Variants in KLB observed in about 807,000 individuals in gnomAD.
KLB encodes the protein beta-klotho.
Under a neutral mutation model 88.4 loss-of-function variants are expected in KLB, and 44 were observed. The ratio of observed to expected loss-of-function variants is 0.50; its 90% CI spans 0.39 to 0.64. The LOEUF (loss-of-function observed/expected upper bound fraction) is 0.64. KLB is among the 30% of genes least tolerant of loss of function. The pLI is 0.00. For missense variants in KLB, 1,137 were observed against 1,304.8 expected, an observed-to-expected ratio of 0.87 and a Z score of 1.98; for synonymous variants, 548 against 513.4, an observed-to-expected ratio of 1.07 and a Z score of -0.91.
At chr4:39,411,956 A>G (rs528515084) in intron 1 of KLB, 1 of 151,716 alleles carries the variant, frequency 6.6e-6, no homozygotes, top group East Asian at 2.0e-4. Context: ...GCATCTGCAT[A>G]CCCATAGCTT....
chr4:39,434,345 C>G lies in KLB; in HGVS notation c.961C>G (p.Gln321Glu). Residue 321 changes from glutamine (Q) to glutamate (E), a missense_variant, in exon 2 of 5, where the codon CAA becomes GAA. Transcript: ENST00000257408. ...CACGATGGATATATTCAAATGTCAA[C>G]AATCCATGGTTTCTGTGCTTGGATG... ...ENTMDIFKCQ[Q>E]SMVSVLGWFA... The G allele has an allele frequency of 6.2e-7, 1 of 1,614,200 alleles. No individual in the cohort carries two copies. Among genetic ancestry groups the G allele is most frequent in the South Asian group, 1.1e-5 (1 of 91,082 alleles).
chr4:39,432,815 G>C (rs764972247), intron 1 of KLB, among the ~76,000 whole-genome samples: 1 of 151,810 alleles, frequency 6.6e-6, no homozygotes, highest in Admixed American at 6.6e-5. Flanking sequence ...CCTCCTACGT[G>C]CTCTATTCTG....
chr4:39,442,027 A>G (rs1316782401), intron 3 of KLB, among the ~76,000 whole-genome samples: 3 of 152,142 alleles, frequency 2.0e-5, no homozygotes, highest in Non-Finnish European at 4.4e-5. Context: ...GGATCACTTG[A>G]GCTCAGGAGT....
In KLB at chr4:39,451,149, A is replaced by G. The variant is rs1181118383; in HGVS notation, c.*2463A>G. The G allele has an allele frequency of 6.6e-6, 1 of 152,214 alleles. No homozygotes were observed. The highest frequency in any genetic ancestry group is 1.5e-5 in the Non-Finnish European group (1 of 68,032). The allele number at this position is 152,214 out of a possible 1,614,324, so 9.4% of individuals were successfully genotyped here. A position where few individuals can be genotyped will look rare whatever the true frequency, so the allele number is the denominator to read the frequency against. ...TTACTAGTTTTTAAGCCATCATCGC[A>G]CAAGAATCCAAAAACCCTTAAATTT... On this transcript the variant is annotated 3_prime_UTR_variant, in exon 5 of 5. Transcript: ENST00000257408.
At position 39,430,347 on chromosome 4, in the gene KLB, A is replaced by C. The variant is rs138497125; in HGVS notation, c.826-3863A>C. On this transcript the variant is annotated intron_variant, in intron 1 of 4. Transcript: ENST00000257408. ...CCAAGGGATTAAGTGACTGGTTAGA[A>C]AAAAACAAAGAATTCCCTCCTTTGA... Among the ~76,000 whole-genome samples the C allele has an allele frequency of 4.1e-3, 619 of 152,074 alleles. 4 individuals are homozygous for C. The highest frequency in any genetic ancestry group is 0.014 in the African/African-American group (582 of 41,510).
At chr4:39,424,582 G>A (rs1373745075) in intron 1 of KLB, among the ~76,000 whole-genome samples, 1 of 151,594 alleles carries the variant, frequency 6.6e-6, no homozygotes, top group East Asian at 1.9e-4. Flanking sequence ...TACACGTGAT[G>A]GCCCTTGTTT....
Position 39,434,475 on chromosome 4 carries a change from G to A in KLB, c.1091G>A (p.Arg364Lys), listed in dbSNP as rs866200932. 2 of 1,614,214 alleles carry A rather than the reference G, an allele frequency of 1.2e-6. No homozygotes were observed. Among genetic ancestry groups the A allele is most frequent in the Non-Finnish European group, 1.7e-6 (2 of 1,180,052 alleles). ...TCTGAAGCAGAGAAGCATGAGATGA[G>A]AGGCACAGCTGATTTCTTTGCCTTT... ...IFSEAEKHEMRGTADFFAFSF... is the reference protein window; with the variant it reads ...IFSEAEKHEMKGTADFFAFSF... The change falls in exon 2 of 5, where the codon AGA (arginine) becomes AAA (lysine). Residue 364 changes from arginine (R) to lysine (K), a missense_variant. This residue lies in a region of KLB where 597 missense variants were observed against 765.2 expected (regional missense o/e 0.78). Coordinates refer to ENST00000257408, the MANE Select transcript of KLB (RefSeq NM_175737.4).
intron 1 of KLB, among the ~76,000 whole-genome samples, chr4:39,431,702 T>A (rs1463014981): frequency 6.6e-6 from 1 of 152,222 alleles, no homozygotes; most frequent in African/African-American, 2.4e-5. Flanking sequence ...ATTTAAATTG[T>A]TTTTTCTTGC....
At chr4:39,413,107 G>A (rs1040780960) in intron 1 of KLB, among the ~76,000 whole-genome samples, 4 of 152,106 alleles carry the variant, frequency 2.6e-5, no homozygotes, top group African/African-American at 4.8e-5. Flanking sequence ...AGCCTCTCAC[G>A]TCCATTTCTT....
At chr4:39,410,041 T>C (rs1184600176) in intron 1 of KLB, among the ~76,000 whole-genome samples, 1 of 152,262 alleles carries the variant, frequency 6.6e-6, no homozygotes, top group East Asian at 1.9e-4. Context: ...CTACTGTTAA[T>C]AGTTTCTTAT....
chr4:39,447,178 G>C lies in KLB; in HGVS notation c.2452G>C (p.Val818Leu). The change falls in exon 4 of 5, where the codon GTC becomes CTC. Residue 818 changes from valine (V) to leucine (L), a missense_variant. Physicochemically the swap from Val to Leu is conservative, Grantham distance 32. This residue lies in a region of KLB where 426 missense variants were observed against 404.6 expected (regional missense o/e 1.05). Coordinates refer to ENST00000257408, the MANE Select transcript of KLB (RefSeq NM_175737.4). ...CGAAAGGAGGCTGCTCAAGGGCACG[G>C]TCGACTTCTGCGCGCTCAACCACTT... ...EAERRLLKGT[V>L]DFCALNHFTT... is the part of the protein sequence containing the mutation. The C allele has an allele frequency of 6.2e-7, 1 of 1,613,912 alleles. No individual in the cohort carries two copies. The highest frequency in any genetic ancestry group is 8.5e-7 in the Non-Finnish European group (1 of 1,180,044).
intron 1 of KLB, among the ~76,000 whole-genome samples, chr4:39,420,242 G>T (rs1743051744): frequency 6.6e-6 from 1 of 152,112 alleles, no homozygotes; most frequent in Admixed American, 6.6e-5. Context: ...CTTGACCAGA[G>T]ATTACATGAC....
At chr4:39,441,340 A>G (rs7670903) in intron 3 of KLB, among the ~76,000 whole-genome samples, 87,517 of 151,934 alleles carry the variant, frequency 0.58, 25,484 homozygotes, top group Non-Finnish European at 0.61. Flanking sequence ...ATTTTGCTAA[A>G]TGCTCCAAAA....
At position 39,447,441 on chromosome 4, in the gene KLB, C is replaced by T; in HGVS notation, c.2715C>T (p.Tyr905=). 6.2e-7 allele frequency: 1 copy of T among 1,606,576 alleles called. No individual in the cohort carries two copies. Among genetic ancestry groups the T allele is most frequent in the Non-Finnish European group, 8.5e-7 (1 of 1,176,356 alleles). The change falls in exon 4 of 5, where the codon TAC becomes TAT. Residue 905 remains tyrosine (Y), a synonymous_variant. Transcript: ENST00000257408. The part of the protein sequence containing the change: ...QALEDDRLRK[Y]YLGKYLQEVL... ...TGGAGGATGACCGGCTCCGGAAGTA[C>T]TACCTAGGGAAGTACCTTCAGGAGG...
chr4:39,435,310 G>A (rs1743450191), intron 2 of KLB, among the ~76,000 whole-genome samples: 1 of 151,012 alleles, frequency 6.6e-6, no homozygotes, highest in Non-Finnish European at 1.5e-5. Flanking sequence ...TAGAGATGGA[G>A]TTACATCATG....
chr4:39,437,684 TGTTTAGGCCTC>T (rs772500839), intron 2 of KLB, 32 bp from the exon 3 acceptor site: 15 of 1,544,174 alleles, frequency 9.7e-6, no homozygotes, highest in Non-Finnish European at 1.3e-5. Context: ...TGAACTAGAA[TGTTTAGGCCTC>T]TGAACATCTC....
At chr4:39,420,569 G>A (rs189097090) in intron 1 of KLB, among the ~76,000 whole-genome samples, 83 of 152,186 alleles carry the variant, frequency 5.5e-4, no homozygotes, top group Admixed American at 9.2e-4. Flanking sequence ...CTGTTGTCCA[G>A]GCTGGAGTGT....
intron 1 of KLB, among the ~76,000 whole-genome samples, chr4:39,413,807 A>C (rs1159602422): frequency 6.6e-6 from 1 of 152,190 alleles, no homozygotes. Flanking sequence ...CCATTTCATG[A>C]CTTTAAAAAT....
rs116274139 is a variant in KLB at position 39,434,581 on chromosome 4, G to A, written c.1197G>A (p.Ala399=). Residue 399 remains alanine, a synonymous_variant, in exon 2 of 5, where the codon GCG becomes GCA. Transcript: ENST00000257408. The stretch of plus-strand genomic sequence containing the variant: ...ATGTTTCACTTAATTTAAGAGAAGC[G>A]CTGAACTGGATTAAACTGGAATACA... The part of the protein sequence containing the change: ...GQNVSLNLRE[A]LNWIKLEYNN... 3.3e-3 allele frequency: 5,251 copies of A among 1,614,100 alleles called. 71 individuals are homozygous for A. Among genetic ancestry groups the A allele is most frequent in the Non-Finnish European group, 2.0e-3 (2,327 of 1,180,006 alleles).
Sources: allele counts gnomAD v4.1 joint callset (sites outside exome capture counted in the v4.1 genomes callset), GRCh38; gene constraint gnomAD v4.1.1; regional missense constraint gnomAD v4.1.1; transcripts MANE v1.5; gene names NCBI Gene and HGNC (gene_info 2026-07-23, HGNC 2026-07-21).